Variants in LRRC63 observed in about 807,000 individuals in gnomAD.
LRRC63 encodes leucine-rich repeat-containing protein 63.
A neutral mutation model predicts 49.5 loss-of-function variants in LRRC63; 40 were observed. The ratio of observed to expected loss-of-function variants is 0.81; its 90% CI spans 0.63 to 1.05. LRRC63 has a LOEUF of 1.05. Among genes scored for constraint, LRRC63 ranks in the 50% least tolerant of loss-of-function variants. The pLI, the probability that LRRC63 is intolerant of heterozygous loss-of-function variation, is 0.00. For synonymous variants in LRRC63, 191 were observed against 221.1 expected, an observed-to-expected ratio of 0.86 and a Z score of 1.21; for missense variants, 636 against 663.1, an observed-to-expected ratio of 0.96 and a Z score of 0.45.
At chr13:46,241,213 G>A (rs1455793839) in intron 5 of LRRC63, among the ~76,000 whole-genome samples, 1 of 152,172 alleles carries the variant, frequency 6.6e-6, no homozygotes, top group Non-Finnish European at 1.5e-5. Context: ...ACAAAAACAA[G>A]CAATGGGGAA....
intron 4 of LRRC63, among the ~76,000 whole-genome samples, chr13:46,233,901 A>C (rs917773856): frequency 6.6e-6 from 1 of 152,240 alleles, no homozygotes; most frequent in Admixed American, 6.5e-5. Context: ...TAGTATACAA[A>C]GACTGATATT....
At chr13:46,252,767 A>T (rs1230797073) in intron 7 of LRRC63, among the ~76,000 whole-genome samples, 1 of 152,080 alleles carries the variant, frequency 6.6e-6, no homozygotes, top group African/African-American at 2.4e-5. Flanking sequence ...GTTACAACGT[A>T]TATGAAAAGA....
intron 2 of LRRC63, among the ~76,000 whole-genome samples, chr13:46,222,119 A>C (rs2046423311): frequency 6.6e-6 from 1 of 152,164 alleles, no homozygotes; most frequent in Non-Finnish European, 1.5e-5. Context: ...GATATAGAAC[A>C]TTTTTAAATA....
At chr13:46,258,288 C>A (rs1487922763) in intron 7 of LRRC63, among the ~76,000 whole-genome samples, 1 of 151,298 alleles carries the variant, frequency 6.6e-6, no homozygotes, top group African/African-American at 2.4e-5. Context: ...CGCCACCATG[C>A]CTGGCTAATT....
rs1310878077 is a variant in LRRC63, at chr13:46,258,587, A to T, written c.1227-3322A>T. On this transcript the variant is annotated intron_variant, in intron 7 of 9. Coordinates refer to ENST00000595396, the Ensembl canonical transcript of LRRC63. ...CACTTTGGGAGGCCGGGGTGGGCGA[A>T]TCACGAGGTCAGGAGATCGAGACCA... Among the ~76,000 whole-genome samples, 9 of 151,166 alleles carry T rather than the reference A, an allele frequency of 6.0e-5. No homozygotes were observed. In the East Asian group the frequency reaches 1.8e-3, roughly 30 times the overall value.
chr13:46,269,795 T>C (rs2047730236), intron 9 of LRRC63, among the ~76,000 whole-genome samples: 1 of 148,102 alleles, frequency 6.8e-6, no homozygotes, highest in South Asian at 2.1e-4. Context: ...ATAATATATA[T>C]ATATTATATA....
intron 4 of LRRC63, among the ~76,000 whole-genome samples, chr13:46,231,870 C>T (rs1393660615): frequency 1.4e-5 from 2 of 139,078 alleles, no homozygotes; most frequent in African/African-American, 5.5e-5. Context: ...GGCTGGAGAG[C>T]TGTGGCAAGA....
At chr13:46,246,783 G>A (rs1053532207) in intron 6 of LRRC63, among the ~76,000 whole-genome samples, 158 bp downstream of exon 6, 1 of 152,066 alleles carries the variant, frequency 6.6e-6, no homozygotes, top group East Asian at 1.9e-4. Flanking sequence ...AGCACAAAAT[G>A]TACAGTACAT....
chr13:46,268,960 G>A (rs1198120055), intron 9 of LRRC63, among the ~76,000 whole-genome samples: 1 of 144,588 alleles, frequency 6.9e-6, no homozygotes, highest in Non-Finnish European at 1.5e-5. Context: ...TATATTAAGT[G>A]AAAAATGTGC....
intron 7 of LRRC63, among the ~76,000 whole-genome samples, chr13:46,260,381 T>C (rs766409713): frequency 6.6e-6 from 1 of 152,218 alleles, no homozygotes; most frequent in East Asian, 1.9e-4. Flanking sequence ...TCCTAGTCAG[T>C]CTCATTAACT....
chr13:46,220,603 T>C (rs1443214387), intron 2 of LRRC63, among the ~76,000 whole-genome samples: 1 of 149,756 alleles, frequency 6.7e-6, no homozygotes, highest in African/African-American at 2.5e-5. Context: ...CTTTCCAGGG[T>C]AGTGAACAGT....
At chr13:46,255,931 T>G (rs2047501159) in intron 7 of LRRC63, among the ~76,000 whole-genome samples, 1 of 152,146 alleles carries the variant, frequency 6.6e-6, no homozygotes, top group South Asian at 2.1e-4. Context: ...TTTCACCTGT[T>G]CTGGAAAATT....
chr13:46,270,417 G>A lies in LRRC63; in HGVS notation c.1550+3445G>A, dbSNP rs377745625. The A allele has an allele frequency of 1.5e-3, 1,194 of 804,014 alleles. 4 individuals carry two copies. The highest frequency in any genetic ancestry group is 0.011 in the Middle Eastern group (48 of 4,406). The allele number at this position is 804,014 out of a possible 1,614,324, so 49.8% of individuals were successfully genotyped here. A position where few individuals can be genotyped will look rare whatever the true frequency, so the allele number is the denominator to read the frequency against. ...GGCGAAGAATATACTGTATCTAGTTGTGTTAGAGGATGTTCGATGGAAGTG... is the reference window on the plus strand; with the variant it reads ...GGCGAAGAATATACTGTATCTAGTTATGTTAGAGGATGTTCGATGGAAGTG... On this transcript the variant is annotated intron_variant, in intron 9 of 9. Coordinates refer to ENST00000595396, the Ensembl canonical transcript of LRRC63.
intron 7 of LRRC63, among the ~76,000 whole-genome samples, chr13:46,254,704 G>A: frequency 6.6e-6 from 1 of 152,160 alleles, no homozygotes; most frequent in South Asian, 2.1e-4. Context: ...ATATTGAGAG[G>A]AACAGAAAAG....
At chr13:46,216,273 T>G (rs1198642914) in intron 2 of LRRC63, among the ~76,000 whole-genome samples, 2 of 152,242 alleles carry the variant, frequency 1.3e-5, no homozygotes, top group Non-Finnish European at 2.9e-5. Context: ...TCCATTTGTT[T>G]GTGTCCTCTC....
At chr13:46,231,637 G>C in intron 4 of LRRC63, among the ~76,000 whole-genome samples, 2 of 151,916 alleles carry the variant, frequency 1.3e-5, no homozygotes, top group Non-Finnish European at 2.9e-5. Flanking sequence ...AGCCTCCTGA[G>C]TAACTGGGAC....
chr13:46,244,358 T>G (rs1452175129), intron 5 of LRRC63, among the ~76,000 whole-genome samples: 1 of 152,198 alleles, frequency 6.6e-6, no homozygotes, highest in Non-Finnish European at 1.5e-5. Flanking sequence ...AAGGCACATA[T>G]TGTGATCCTT....
chr13:46,222,929 GAA>G (rs766622648), intron 2 of LRRC63, among the ~76,000 whole-genome samples: 8 of 151,860 alleles, frequency 5.3e-5, no homozygotes, highest in Non-Finnish European at 1.2e-4. Context: ...GATGAAATTG[GAA>G]ATCATCATTC....
chr13:46,252,135 G>A (rs553439742), intron 7 of LRRC63, among the ~76,000 whole-genome samples: 2 of 152,036 alleles, frequency 1.3e-5, no homozygotes, highest in East Asian at 3.9e-4. Context: ...CTTCAAGCAA[G>A]CTCTGACATA....
Sources: gnomAD v4.1 joint callset for allele counts (sites outside exome capture counted in the v4.1 genomes callset) on GRCh38, gnomAD v4.1.1 for gene constraint, MANE v1.5 for transcripts, NCBI Gene and HGNC (gene_info 2026-07-23, HGNC 2026-07-21) for gene names.